RPGRIP1L: variants seen among roughly 807,000 people sequenced by gnomAD.
RPGRIP1L encodes RPGRIP1 like.
RPGRIP1L carries 131 observed loss-of-function variants against 160.4 expected under a neutral mutation model. That is an observed-to-expected ratio of 0.82 (90% CI 0.71 to 0.94). The LOEUF is 0.94. Among genes scored for constraint, RPGRIP1L ranks in the 40% least tolerant of loss-of-function variants. The pLI, the probability that RPGRIP1L is intolerant of heterozygous loss-of-function variation, is 0.00. For missense variants in RPGRIP1L, 1,522 were observed against 1,535.8 expected (o/e 0.99, Z 0.15); for synonymous variants, 510 against 515.8 (o/e 0.99, Z 0.15).
intron 6 of RPGRIP1L, among the ~76,000 whole-genome samples, chr16:53,678,825 T>C (rs1196340777): frequency 1.3e-5 from 2 of 152,158 alleles, no homozygotes; most frequent in Admixed American, 1.3e-4. Flanking sequence ...AAAAAAGCAC[T>C]CTAGATTTTC....
intron 6 of RPGRIP1L, among the ~76,000 whole-genome samples, chr16:53,682,712 C>A (rs182792131): frequency 1.2e-4 from 18 of 152,164 alleles, no homozygotes; most frequent in Non-Finnish European, 2.6e-4. Flanking sequence ...TGGCTGTTGG[C>A]ATTTACTAAG....
chr16:53,648,899 G>A (rs1455670729), intron 16 of RPGRIP1L, 65 bp downstream of exon 16: 5 of 1,424,356 alleles, frequency 3.5e-6, no homozygotes, highest in South Asian at 1.2e-5. Context: ...TTTAAAGCAC[G>A]ACACATAAAT....
chr16:53,690,902 G>A (rs1232999814), intron 4 of RPGRIP1L, among the ~76,000 whole-genome samples: 1 of 152,100 alleles, frequency 6.6e-6, no homozygotes, highest in Non-Finnish European at 1.5e-5. Context: ...AATTCATTAT[G>A]CTTACTTTAG....
At chr16:53,674,934 C>T in intron 7 of RPGRIP1L, 83 bp downstream of exon 7, 1 of 843,004 alleles carries the variant, frequency 1.2e-6, no homozygotes. Context: ...TATGATAATT[C>T]CATGTTAAAA....
At chr16:53,619,525 T>C (rs1170018154) in intron 23 of RPGRIP1L, among the ~76,000 whole-genome samples, 1 of 152,248 alleles carries the variant, frequency 6.6e-6, no homozygotes, top group Non-Finnish European at 1.5e-5. Flanking sequence ...CCGATTGCTT[T>C]CAGAATGACA....
intron 9 of RPGRIP1L, among the ~76,000 whole-genome samples, chr16:53,670,955 G>A (rs1186336018): frequency 6.6e-6 from 1 of 152,040 alleles, no homozygotes; most frequent in Non-Finnish European, 1.5e-5. Flanking sequence ...AAATTAGTCT[G>A]ACATGGTGGC....
rs143848809 is a variant in RPGRIP1L at position 53,649,477 on chromosome 16, C to T, written c.2153-362G>A. Among the ~76,000 whole-genome samples, 16 of 152,268 alleles carry T rather than the reference C, an allele frequency of 1.1e-4. 1 individual carries two copies. The East Asian group carries it at 3.1e-3, about 29-fold the overall frequency. ...TAATACTTTTTTTAAACAAGTTGCA[C>T]TCAATGTTGTCTGACATTTACAATA... is the stretch of plus-strand genomic sequence containing the variant. On this transcript the variant is annotated intron_variant, in intron 15 of 26. Transcript: ENST00000647211.
At chr16:53,673,992 C>G (rs1380089031) in intron 7 of RPGRIP1L, among the ~76,000 whole-genome samples, 1 of 152,062 alleles carries the variant, frequency 6.6e-6, no homozygotes, top group Non-Finnish European at 1.5e-5. Context: ...TTTTCAATTC[C>G]TTTCTTAATT....
rs1285147301 is a variant in RPGRIP1L at position 53,648,624 on chromosome 16, G to GCACACACA, written c.2304+339_2304+340insTGTGTGTG. Among the ~76,000 whole-genome samples the GCACACACA allele has an allele frequency of 8.4e-3, 894 of 106,792 alleles. 10 individuals are homozygous for GCACACACA. Among genetic ancestry groups the GCACACACA allele is most frequent in the African/African-American group, 0.021 (811 of 38,200 alleles). The allele number at this position is 106,792 out of a possible 152,430, so 70.1% of individuals were successfully genotyped here. ...TATACGTACGCGCGTGCGCGCGCGCGCGCACACACACACACACACACACAC... is the reference window on the plus strand; with the variant it reads ...TATACGTACGCGCGTGCGCGCGCGCGCACACACACGCACACACACACACACACACACAC... On this transcript the variant is annotated intron_variant, in intron 16 of 26. Coordinates refer to ENST00000647211, the MANE Select transcript of RPGRIP1L (RefSeq NM_015272.5).
rs1966184789 is a variant in RPGRIP1L, at chr16:53,641,083, G to A, written c.2908C>T (p.Pro970Ser). Reference sequence around the variant, plus strand: ...ACGAAAGATACCTTCTTATCTACAGGTGTTAAACGTTGTCTTGGTTTAGGT... The same window carrying A: ...ACGAAAGATACCTTCTTATCTACAGATGTTAAACGTTGTCTTGGTTTAGGT... ...PRPKPRQRLT[P>S]VDKKVSFVDI... is the part of the protein sequence containing the mutation. The change falls in exon 19 of 27, where the codon CCT becomes TCT. Residue 970 changes from proline to serine, a missense_variant. Physicochemically the swap from Pro to Ser is moderately conservative, Grantham distance 74. Coordinates refer to ENST00000647211, the MANE Select transcript of RPGRIP1L (RefSeq NM_015272.5). 6.2e-7 allele frequency: 1 copy of A among 1,613,790 alleles called. No homozygotes were observed. Among genetic ancestry groups the A allele is most frequent in the African/African-American group, 1.3e-5 (1 of 75,022 alleles).
chr16:53,698,446 G>A (rs1200392556), intron 2 of RPGRIP1L, among the ~76,000 whole-genome samples: 1 of 148,144 alleles, frequency 6.8e-6, no homozygotes, highest in Non-Finnish European at 1.5e-5. Flanking sequence ...CTACTGGGAA[G>A]TGAGGGGCCT....
intron 22 of RPGRIP1L, among the ~76,000 whole-genome samples, chr16:53,625,726 G>C (rs1270536653): frequency 6.6e-6 from 1 of 152,206 alleles, no homozygotes; most frequent in Non-Finnish European, 1.5e-5. Context: ...GGAAAAGAAA[G>C]AGAGATCAGA....
At chr16:53,626,826 A>T (rs920917819) in intron 22 of RPGRIP1L, among the ~76,000 whole-genome samples, 74 of 149,582 alleles carry the variant, frequency 4.9e-4, no homozygotes, top group Non-Finnish European at 8.9e-4. Flanking sequence ...AAAAAAAAAA[A>T]TTTTTTTTGT....
At chr16:53,631,574 A>C (rs753684383) in intron 22 of RPGRIP1L, among the ~76,000 whole-genome samples, 3 of 152,216 alleles carry the variant, frequency 2.0e-5, no homozygotes, top group Admixed American at 6.5e-5. Context: ...GGCAGATGCA[A>C]ATGTTCAGTT....
At chr16:53,633,534 T>C (rs991261847) in intron 22 of RPGRIP1L, among the ~76,000 whole-genome samples, 1 of 152,172 alleles carries the variant, frequency 6.6e-6, no homozygotes, top group Admixed American at 6.6e-5. Flanking sequence ...CTGGATTGGA[T>C]CTTGGACCAT....
At chr16:53,616,881 C>T (rs142590008) in intron 24 of RPGRIP1L, among the ~76,000 whole-genome samples, 1 of 151,156 alleles carries the variant, frequency 6.6e-6, no homozygotes, top group Admixed American at 6.6e-5. Flanking sequence ...AGACCAGCCT[C>T]GGCAACATGG....
At chr16:53,648,602 ACGTACGCG>A (rs1354608580) in intron 16 of RPGRIP1L, among the ~76,000 whole-genome samples, 1 of 139,456 alleles carries the variant, frequency 7.2e-6, no homozygotes, top group East Asian at 2.1e-4. Flanking sequence ...TTGCACATAT[ACGTACGCG>A]CGTGCGCGCG....
intron 10 of RPGRIP1L, chr16:53,660,010 AC>A (rs1200079766): frequency 6.6e-6 from 1 of 152,164 alleles, no homozygotes; most frequent in Non-Finnish European, 1.5e-5. Context: ...AGTTGCTATG[AC>A]CCACAAGCAG....
chr16:53,643,992 G>A lies in RPGRIP1L; in HGVS notation c.2683+1633C>T, dbSNP rs186404216. 2.7e-3 allele frequency among the ~76,000 whole-genome samples: 413 copies of A among 152,258 alleles called. 2 individuals carry two copies. Among genetic ancestry groups the A allele is most frequent in the Middle Eastern group, 0.02 (6 of 294 alleles). ...AGAAAGTGTGTTTAAATAATTAAAAGGAAAGTATAATGATAATGTTTTATC... is the reference window on the plus strand; with the variant it reads ...AGAAAGTGTGTTTAAATAATTAAAAAGAAAGTATAATGATAATGTTTTATC... On this transcript the variant is annotated intron_variant, in intron 17 of 26. Transcript: ENST00000647211.
Sources: gnomAD v4.1 joint callset for allele counts (sites outside exome capture counted in the v4.1 genomes callset) on GRCh38, gnomAD v4.1.1 for gene constraint, MANE v1.5 for transcripts, NCBI Gene and HGNC (gene_info 2026-07-23, HGNC 2026-07-21) for gene names.